Variants in FAM234A observed in about 807,000 individuals in gnomAD.
The protein encoded by FAM234A is protein FAM234A.
A neutral mutation model predicts 49.1 loss-of-function variants in FAM234A; 42 were observed. That is an observed-to-expected ratio of 0.86 (90% CI 0.67 to 1.11). The LOEUF is 1.11. Ranked by LOEUF, FAM234A falls within the 50% of genes least tolerant of loss-of-function variation. The probability of loss-of-function intolerance (pLI) is 0.00; values close to 1 mark genes in which losing one functional copy is unlikely to be tolerated. For synonymous variants in FAM234A, 369 were observed against 316.2 expected, an observed-to-expected ratio of 1.17 and a Z score of -1.77; for missense variants, 815 against 745.2, an observed-to-expected ratio of 1.09 and a Z score of -1.09.
chr16:259,349 A>G, intron 3 of FAM234A, 134 bp from the exon 4 acceptor site: 1 of 658,196 alleles, frequency 1.5e-6, no homozygotes, highest in Non-Finnish European at 2.8e-6. Flanking sequence ...CTAGTGAGGA[A>G]GAAGCCACCG....
At chr16:254,799 C>T in intron 3 of FAM234A, 118 bp downstream of exon 3, 1 of 1,047,030 alleles carries the variant, frequency 9.6e-7, no homozygotes, top group Non-Finnish European at 1.4e-6. Context: ...TGAATCAATC[C>T]CAAGAGGCTG....
chr16:246,367 C>A (rs562274986), intron 1 of FAM234A, among the ~76,000 whole-genome samples: 2 of 145,372 alleles, frequency 1.4e-5, no homozygotes, highest in South Asian at 4.5e-4. Flanking sequence ...CAACCTCTGC[C>A]TCCTGGGTTC....
Position 263,206 on chromosome 16 carries a change from G to A in FAM234A, c.972-56G>A, listed in dbSNP as rs2141361629. 6 of 1,593,820 alleles carry A rather than the reference G, an allele frequency of 3.8e-6. No individual in the cohort carries two copies. The East Asian group carries it at 1.1e-4, about 30-fold the overall frequency. ...ACGGGCGGTGCCAGAGCCTCCACTG[G>A]GTGCCTGAGGCCGCCCCGGGGACCC... On this transcript the variant is annotated intron_variant, in intron 8 of 12. Transcript: ENST00000399932.
Position 264,040 on chromosome 16 carries a change from G to A in FAM234A, c.1213G>A (p.Gly405Arg), listed in dbSNP as rs766691351. Residue 405 changes from glycine (G) to arginine (R), a missense_variant, in exon 11 of 13, where the codon GGA (glycine) becomes AGA (arginine). Physicochemically the swap from Gly to Arg is moderately radical, Grantham distance 125. Transcript: ENST00000399932. ...GATCCTGTTTCTGGACCTTGGCACT[G>A]GAGCCGTCCTGTGTAGCCTAGCCCT... is the stretch of plus-strand genomic sequence containing the variant. ...RQILFLDLGT[G>R]AVLCSLALPS... 4 of 1,613,072 alleles carry A rather than the reference G, an allele frequency of 2.5e-6. No homozygotes were observed. Among genetic ancestry groups the A allele is most frequent in the South Asian group, 2.2e-5 (2 of 91,068 alleles).
chr16:247,676 G>T lies in FAM234A; in HGVS notation c.-139-1873G>T, dbSNP rs1042986435. 1.6e-4 allele frequency among the ~76,000 whole-genome samples: 25 copies of T among 152,034 alleles called. No homozygotes were observed. The South Asian group carries it at 3.3e-3, about 20-fold the overall frequency. On this transcript the variant is annotated intron_variant, in intron 1 of 12. Transcript: ENST00000399932. Reference sequence around the variant, plus strand: ...TCGAACTCCTGACCTCAGGTACTCCGCCTGCCTTGGCCTCCCAAAGGGCTG... The same window carrying T: ...TCGAACTCCTGACCTCAGGTACTCCTCCTGCCTTGGCCTCCCAAAGGGCTG...
rs375078275 is a variant in FAM234A at position 264,743 on chromosome 16, G to C, written c.1447+27G>C. On this transcript the variant is annotated intron_variant, in intron 12 of 12. Transcript: ENST00000399932. ...TGAGTGTGGCCTCGGCCAGGGACCC[G>C]GGTGTTCCGCGGGGTCTGCCCTGGC... 2.1e-5 allele frequency: 33 copies of C among 1,607,776 alleles called. 1 individual carries two copies. In the South Asian group the frequency reaches 3.2e-4, roughly 16 times the overall value.
At chr16:266,926 T>C (rs559312222), downstream of FAM234A, among the ~76,000 whole-genome samples, 2 of 151,624 alleles carry the variant, frequency 1.3e-5, no homozygotes, top group African/African-American at 2.4e-5. Flanking sequence ...AAGGGAGGGG[T>C]CACCCTGCAG....
At chr16:246,145 G>A (rs1388813178) in intron 1 of FAM234A, among the ~76,000 whole-genome samples, 2 of 151,636 alleles carry the variant, frequency 1.3e-5, no homozygotes, top group Non-Finnish European at 2.9e-5. Context: ...AACCCAGGAG[G>A]CAGAGGTTGC....
At chr16:269,593 A>G (rs2051823012), downstream of FAM234A, 1 of 1,609,554 alleles carries the variant, frequency 6.2e-7, no homozygotes, top group Non-Finnish European at 8.5e-7. Flanking sequence ...GTCCTACAAG[A>G]GACAGCGTCC....
chr16:249,568 G>A lies in FAM234A; in HGVS notation c.-120G>A, dbSNP rs1393278533. The A allele has an allele frequency of 1.3e-5, 2 of 152,088 alleles. No individual in the cohort carries two copies. The highest frequency in any genetic ancestry group is 6.6e-5 in the Admixed American group (1 of 15,258). The allele number at this position is 152,088 out of a possible 1,614,324, so 9.4% of individuals were successfully genotyped here. A position where few individuals can be genotyped will look rare whatever the true frequency, so the allele number is the denominator to read the frequency against. On this transcript the variant is annotated 5_prime_UTR_variant, in exon 2 of 13. Transcript: ENST00000399932. The stretch of plus-strand genomic sequence containing the variant: ...CCCTAGGTCCACCTGGGCTTGCGAA[G>A]GCACAGATTCCCCGTCCACAGCTCA...
downstream of FAM234A, chr16:269,272 G>A: frequency 6.4e-7 from 1 of 1,562,714 alleles, no homozygotes; most frequent in Non-Finnish European, 8.7e-7. Context: ...AGGTCCACTA[G>A]GCCACCCCAT....
intron 3 of FAM234A, among the ~76,000 whole-genome samples, chr16:258,886 G>A (rs1240190678): frequency 6.6e-6 from 1 of 152,174 alleles, no homozygotes; most frequent in Non-Finnish European, 1.5e-5. Context: ...GGGTTCAAAC[G>A]ATTCTTGTGC....
rs182442977 is a variant in FAM234A at position 264,702 on chromosome 16, T to C, written c.1433T>C (p.Ile478Thr). 3.1e-6 allele frequency: 5 copies of C among 1,611,510 alleles called. No homozygotes were observed. The highest frequency in any genetic ancestry group is 2.2e-5 in the East Asian group (1 of 44,882). Residue 478 changes from isoleucine to threonine, a missense_variant, in exon 12 of 13, where the codon ATT becomes ACT. Ile to Thr is a moderately conservative substitution (Grantham distance 89). Transcript: ENST00000399932. ...LLELANVSTH[I>T]VAFDAVLFEP... Reference sequence around the variant, plus strand: ...GAGCTGGCCAATGTCTCTACCCACATTGTCGCCTTTGACGGTGAGTGTGGC... The same window carrying C: ...GAGCTGGCCAATGTCTCTACCCACACTGTCGCCTTTGACGGTGAGTGTGGC...
rs143755625 is a variant in FAM234A at position 240,925 on chromosome 16, C to T, written c.-140+6068C>T. On this transcript the variant is annotated intron_variant, in intron 1 of 12. Coordinates refer to ENST00000399932, the MANE Select transcript of FAM234A (RefSeq NM_032039.4). The stretch of plus-strand genomic sequence containing the variant: ...CTAAATATTAACTAAATATTTTATC[C>T]ATTTAAAACACTGTTTTCTTCTCTT... Among the ~76,000 whole-genome samples the T allele has an allele frequency of 2.0e-3, 306 of 152,022 alleles. 2 individuals carry two copies. Among genetic ancestry groups the T allele is most frequent in the Non-Finnish European group, 3.7e-3 (249 of 67,964 alleles).
chr16:246,348 G>A (rs1206270119), intron 1 of FAM234A, among the ~76,000 whole-genome samples: 1 of 143,616 alleles, frequency 7.0e-6, no homozygotes, highest in African/African-American at 2.6e-5. Context: ...GTGCAGTCTC[G>A]GCTCACCGCA....
At chr16:241,039 T>C (rs2050593854) in intron 1 of FAM234A, among the ~76,000 whole-genome samples, 1 of 151,948 alleles carries the variant, frequency 6.6e-6, no homozygotes, top group South Asian at 2.1e-4. Flanking sequence ...GGAACCTCAG[T>C]CTCTCGCACA....
intron 1 of FAM234A, among the ~76,000 whole-genome samples, chr16:235,630 C>T (rs1220389389): frequency 6.6e-6 from 1 of 152,172 alleles, no homozygotes; most frequent in Admixed American, 6.5e-5. Flanking sequence ...CATGTACTGG[C>T]TGCCGGTGTC....
Position 262,140 on chromosome 16 carries a change from C to T in FAM234A, c.756C>T (p.Leu252=). ...YSGSTGHQIG[L]RGSLGVDGES... ...GCAGCACCGGGCACCAGATTGGCCT[C>T]AGAGGCAGCCTTGGTGTGGACGGGG... The change falls in exon 7 of 13, where the codon CTC becomes CTT. Residue 252 remains leucine, a synonymous_variant. Transcript: ENST00000399932. The T allele has an allele frequency of 1.2e-6, 2 of 1,614,098 alleles. No individual in the cohort carries two copies. Among genetic ancestry groups the T allele is most frequent in the South Asian group, 2.2e-5 (2 of 91,084 alleles).
chr16:258,563 C>T (rs536647312), intron 3 of FAM234A, among the ~76,000 whole-genome samples: 193 of 152,362 alleles, frequency 1.3e-3, no homozygotes, highest in South Asian at 4.3e-3. Flanking sequence ...TCTTTCTACA[C>T]AGACACAGCA....
Sources: gnomAD v4.1 joint callset for allele counts (sites outside exome capture counted in the v4.1 genomes callset) on GRCh38, gnomAD v4.1.1 for gene constraint, MANE v1.5 for transcripts, NCBI Gene and HGNC (gene_info 2026-07-23, HGNC 2026-07-21) for gene names.